Variants in TMEM9 observed in about 807,000 individuals in gnomAD.
The protein encoded by TMEM9 is transmembrane protein 9.
TMEM9 carries 13 observed loss-of-function variants against 22.8 expected under a neutral mutation model. The observed-to-expected ratio is 0.57, with a 90% confidence interval of 0.37 to 0.91. The LOEUF is 0.91. Ranked by LOEUF, TMEM9 falls within the 40% of genes least tolerant of loss-of-function variation. TMEM9 has a pLI of 0.01. For missense variants in TMEM9, 182 were observed against 238.1 expected, an observed-to-expected ratio of 0.76 and a Z score of 1.55; for synonymous variants, 88 against 93.0, an observed-to-expected ratio of 0.95 and a Z score of 0.31.
At position 201,161,716 on chromosome 1, in the gene TMEM9, C is replaced by G. The variant is rs185514366; in HGVS notation, c.-36-7757G>C. 9.2e-5 allele frequency among the ~76,000 whole-genome samples: 14 copies of G among 152,326 alleles called. No individual in the cohort carries two copies. The East Asian group carries it at 2.3e-3, about 25-fold the overall frequency. On this transcript the variant is annotated intron_variant, in intron 1 of 5. Transcript: ENST00000367333. Reference sequence around the variant, plus strand: ...TAGTGTTTCCCCACAGTTTTGACCACAAACTCTTTTTCGAAGAGCAGCCTT... The same window carrying G: ...TAGTGTTTCCCCACAGTTTTGACCAGAAACTCTTTTTCGAAGAGCAGCCTT...
intron 2 of TMEM9, among the ~76,000 whole-genome samples, chr1:201,148,892 G>C (rs1476688809): frequency 6.6e-6 from 1 of 152,202 alleles, no homozygotes; most frequent in Non-Finnish European, 1.5e-5. Flanking sequence ...GCTTCCGCTG[G>C]GAGCAGCGGA....
intron 4 of TMEM9, among the ~76,000 whole-genome samples, chr1:201,141,096 G>A (rs1016120963): frequency 6.6e-6 from 1 of 152,122 alleles, no homozygotes; most frequent in African/African-American, 2.4e-5. Flanking sequence ...CCCTCTGCCA[G>A]GAAGCCTTCC....
chr1:201,171,435 G>A (rs1666208438), intron 1 of TMEM9: 1 of 152,240 alleles, frequency 6.6e-6, no homozygotes, highest in Non-Finnish European at 1.5e-5. Flanking sequence ...GCAGCACGGA[G>A]ACACTAATCC....
rs758550724 is a variant in TMEM9 at position 201,146,916 on chromosome 1, G to A, written c.159-68C>T. 3 of 1,477,658 alleles carry A rather than the reference G, an allele frequency of 2.0e-6. No individual in the cohort carries two copies. The African/African-American group carries it at 4.2e-5, about 20-fold the overall frequency. The allele number at this position is 1,477,658 out of a possible 1,614,324, so 91.5% of individuals were successfully genotyped here. A position where few individuals can be genotyped will look rare whatever the true frequency, so the allele number is the denominator to read the frequency against. On this transcript the variant is annotated intron_variant, in intron 2 of 4. Transcript: ENST00000367330. ...GTCTTAGAGCCTCAAGACCAGAGAA[G>A]CAGGTAGCCAGGGGAGCTGAGAGGT...
At chr1:201,148,127 T>A (rs1665134024) in intron 2 of TMEM9, among the ~76,000 whole-genome samples, 1 of 152,206 alleles carries the variant, frequency 6.6e-6, no homozygotes, top group Non-Finnish European at 1.5e-5. Flanking sequence ...CACTTTCATC[T>A]AACAGCACTC....
intron 1 of TMEM9, among the ~76,000 whole-genome samples, chr1:201,152,706 A>G (rs541125004): frequency 3.6e-4 from 55 of 152,334 alleles, no homozygotes; most frequent in South Asian, 3.1e-3. Flanking sequence ...TAGTACTAGC[A>G]CCCCTAAAAC....
chr1:201,141,229 C>G (rs896079535), intron 4 of TMEM9, among the ~76,000 whole-genome samples: 2 of 152,230 alleles, frequency 1.3e-5, no homozygotes, highest in Non-Finnish European at 2.9e-5. Context: ...TTACTGCCAG[C>G]CTTTACGTTT....
chr1:201,154,696 A>G (rs1008009563), upstream of TMEM9, among the ~76,000 whole-genome samples: 6 of 152,070 alleles, frequency 3.9e-5, no homozygotes, highest in African/African-American at 1.2e-4. Context: ...GAGAACTCCC[A>G]CTGCGGTGCT....
At chr1:201,150,232 C>CACAAGAT (rs935346493) in intron 2 of TMEM9, among the ~76,000 whole-genome samples, 1 of 152,166 alleles carries the variant, frequency 6.6e-6, no homozygotes, top group African/African-American at 2.4e-5. Context: ...GAACTATAAC[C>CACAAGAT]ACAAGATACA....
intron 3 of TMEM9, chr1:201,144,265 A>G (rs939231972): frequency 1.1e-5 from 3 of 279,680 alleles, no homozygotes; most frequent in Non-Finnish European, 2.1e-5. Flanking sequence ...TGGGAACACA[A>G]GGGCCTCCCT....
chr1:201,146,459 TA>T (rs1462096072), intron 3 of TMEM9, among the ~76,000 whole-genome samples: 11 of 152,030 alleles, frequency 7.2e-5, no homozygotes, highest in Non-Finnish European at 1.6e-4. Flanking sequence ...AGGAACGAAA[TA>T]AACTGTAAAG....
At chr1:201,167,120 G>T (rs1432546702) in intron 1 of TMEM9, among the ~76,000 whole-genome samples, 2 of 152,128 alleles carry the variant, frequency 1.3e-5, no homozygotes, top group African/African-American at 2.4e-5. Context: ...TTAATTGAAG[G>T]GTTCAATGAA....
At chr1:201,150,105 G>A (rs1395633426) in intron 2 of TMEM9, among the ~76,000 whole-genome samples, 2 of 152,236 alleles carry the variant, frequency 1.3e-5, no homozygotes, top group South Asian at 2.1e-4. Context: ...ATAGCTCCAG[G>A]ACAGAGAGAG....
chr1:201,163,732 G>A (rs1211016150), intron 1 of TMEM9, among the ~76,000 whole-genome samples: 1 of 152,052 alleles, frequency 6.6e-6, no homozygotes, highest in Non-Finnish European at 1.5e-5. Flanking sequence ...AATTCCAAAT[G>A]CTGGTGAGGA....
chr1:201,168,956 TAATTA>T (rs1369844533), intron 1 of TMEM9, among the ~76,000 whole-genome samples: 4 of 132,902 alleles, frequency 3.0e-5, no homozygotes, highest in Non-Finnish European at 6.2e-5. Flanking sequence ...AATGCCCAGC[TAATTA>T]TATTACTTTT....
chr1:201,166,687 C>T (rs1666086877), intron 1 of TMEM9, among the ~76,000 whole-genome samples: 1 of 152,116 alleles, frequency 6.6e-6, no homozygotes, highest in African/African-American at 2.4e-5. Context: ...TTATTAAAGA[C>T]TCTTCTACCA....
intron 1 of TMEM9, 99 bp downstream of exon 1, chr1:201,153,759 C>CAA: frequency 6.3e-7 from 1 of 1,577,284 alleles, no homozygotes; most frequent in Admixed American, 1.8e-5. Context: ...GAGTGAGAGG[C>CAA]AGGCTTAAGG....
At chr1:201,168,966 A>AC (rs1666147142) in intron 1 of TMEM9, among the ~76,000 whole-genome samples, 1 of 45,982 alleles carries the variant, frequency 2.2e-5, no homozygotes, top group Non-Finnish European at 4.0e-5. Context: ...TAATTATATT[A>AC]CTTTTTTTTT....
chr1:201,140,904 C>G (rs1257820410), intron 4 of TMEM9, among the ~76,000 whole-genome samples: 1 of 152,186 alleles, frequency 6.6e-6, no homozygotes, highest in Admixed American at 6.5e-5. Flanking sequence ...CCATGTTTCC[C>G]CACATCCCTT....
Sources: gnomAD v4.1 joint callset for allele counts (sites outside exome capture counted in the v4.1 genomes callset) on GRCh38, gnomAD v4.1.1 for gene constraint, MANE v1.5 for transcripts, NCBI Gene and HGNC (gene_info 2026-07-23, HGNC 2026-07-21) for gene names.